The following KCNIP4 variants were observed in gnomAD, a reference collection of about 807,000 sequenced individuals.
KCNIP4 encodes potassium voltage-gated channel interacting protein 4.
Under a neutral mutation model 34.0 loss-of-function variants are expected in KCNIP4, and 12 were observed. The ratio of observed to expected loss-of-function variants is 0.35; its 90% CI spans 0.23 to 0.57. The LOEUF (loss-of-function observed/expected upper bound fraction) is 0.57, where lower values mean the gene tolerates loss of function less well. KCNIP4 is among the 20% of genes least tolerant of loss of function. KCNIP4 has a pLI of 0.83. For synonymous variants in KCNIP4, 124 were observed against 102.2 expected, an observed-to-expected ratio of 1.21 and a Z score of -1.29; for missense variants, 238 against 311.7, an observed-to-expected ratio of 0.76 and a Z score of 1.78.
At chr4:21,681,236 G>C (rs1056618899) in intron 1 of KCNIP4, among the ~76,000 whole-genome samples, 4 of 151,716 alleles carry the variant, frequency 2.6e-5, no homozygotes, top group African/African-American at 7.3e-5. Context: ...GAGTAGCTGG[G>C]ACAACGTGCG....
intron 1 of KCNIP4, among the ~76,000 whole-genome samples, chr4:21,039,750 T>C (rs1741786037): frequency 2.6e-5 from 4 of 152,222 alleles, no homozygotes; most frequent in Admixed American, 2.0e-4. Context: ...TATTCTTCTT[T>C]ATATTTCTAA....
chr4:21,049,151 C>A (rs1211928210), intron 1 of KCNIP4, among the ~76,000 whole-genome samples: 6 of 151,134 alleles, frequency 4.0e-5, no homozygotes, highest in Non-Finnish European at 8.9e-5. Flanking sequence ...GGGGTTTCAC[C>A]GTGTTAGCCA....
At chr4:21,247,764 C>CTATATA (rs1560212682) in intron 1 of KCNIP4, among the ~76,000 whole-genome samples, 1 of 66,374 alleles carries the variant, frequency 1.5e-5, no homozygotes, top group African/African-American at 7.0e-5. Flanking sequence ...ATATATACAC[C>CTATATA]CCACAGGTGT....
chr4:21,621,187 A>T (rs1403406494), intron 1 of KCNIP4, among the ~76,000 whole-genome samples: 1 of 152,192 alleles, frequency 6.6e-6, no homozygotes, highest in Non-Finnish European at 1.5e-5. Context: ...AATTTAATTT[A>T]AAAAGGCAAA....
intron 3 of KCNIP4, among the ~76,000 whole-genome samples, chr4:20,798,530 C>A (rs935589860): frequency 6.6e-6 from 1 of 151,884 alleles, no homozygotes; most frequent in Non-Finnish European, 1.5e-5. Flanking sequence ...CACATACACA[C>A]ACACACACAG....
chr4:21,088,703 C>T (rs996351518), intron 1 of KCNIP4, among the ~76,000 whole-genome samples: 1 of 152,160 alleles, frequency 6.6e-6, no homozygotes, highest in African/African-American at 2.4e-5. Flanking sequence ...AACTCCTCAT[C>T]TTTTGGGTCT....
intron 1 of KCNIP4, among the ~76,000 whole-genome samples, chr4:21,217,592 C>A (rs919141213): frequency 4.6e-5 from 7 of 152,232 alleles, no homozygotes; most frequent in Non-Finnish European, 7.3e-5. Flanking sequence ...AGTGATTGAA[C>A]ATGAGCTGCA....
intron 1 of KCNIP4, among the ~76,000 whole-genome samples, chr4:21,719,839 T>C (rs1714655999): frequency 6.6e-6 from 1 of 151,862 alleles, no homozygotes; most frequent in African/African-American, 2.4e-5. Flanking sequence ...AATGGGCACC[T>C]GTAATCCCAG....
At chr4:21,218,976 T>C (rs1757804647) in intron 1 of KCNIP4, among the ~76,000 whole-genome samples, 1 of 152,160 alleles carries the variant, frequency 6.6e-6, no homozygotes, top group Non-Finnish European at 1.5e-5. Context: ...TTAGGACTTC[T>C]AGAAATATTA....
chr4:21,008,527 T>C (rs1738763081), intron 1 of KCNIP4, among the ~76,000 whole-genome samples: 2 of 96,552 alleles, frequency 2.1e-5, no homozygotes, highest in African/African-American at 5.7e-5. Flanking sequence ...TTTGTTTTTG[T>C]TTTTGTTTTT....
At chr4:21,120,197 AAAC>A (rs200298205) in intron 1 of KCNIP4, among the ~76,000 whole-genome samples, 10,129 of 84,880 alleles carry the variant, frequency 0.12, 414 homozygotes, top group East Asian at 0.22. Context: ...CCTTACGAAG[AAAC>A]AAAAACAAAA....
chr4:21,285,615 G>C (rs1763074893), intron 1 of KCNIP4, among the ~76,000 whole-genome samples: 1 of 151,882 alleles, frequency 6.6e-6, no homozygotes, highest in South Asian at 2.1e-4. Flanking sequence ...GATCATTTGA[G>C]GTCATGAGTT....
At chr4:21,431,454 G>A (rs1726441717) in intron 1 of KCNIP4, among the ~76,000 whole-genome samples, 1 of 152,012 alleles carries the variant, frequency 6.6e-6, no homozygotes, top group South Asian at 2.1e-4. Context: ...CCCTTCCGAG[G>A]CTTGATGTTA....
chr4:21,853,560 C>T (rs1033667997), intron 1 of KCNIP4, among the ~76,000 whole-genome samples: 1 of 152,140 alleles, frequency 6.6e-6, no homozygotes, highest in Non-Finnish European at 1.5e-5. Flanking sequence ...CCTCATGACC[C>T]AATCACTTCC....
Position 21,297,479 on chromosome 4 carries a change from A to G in KCNIP4, c.62-414770T>C, listed in dbSNP as rs116404355. Among the ~76,000 whole-genome samples the G allele has an allele frequency of 2.3e-3, 348 of 152,298 alleles. 3 individuals carry two copies. The highest frequency in any genetic ancestry group is 8.0e-3 in the African/African-American group (331 of 41,584). On this transcript the variant is annotated intron_variant, in intron 1 of 8. Transcript: ENST00000382152. Reference sequence around the variant, plus strand: ...TAAGCAGAATAACAAGAGAGCTACAATTTGAATAAGCATTTTATGAAACAG... The same window carrying G: ...TAAGCAGAATAACAAGAGAGCTACAGTTTGAATAAGCATTTTATGAAACAG...
chr4:21,743,464 T>C (rs946077123), intron 1 of KCNIP4, among the ~76,000 whole-genome samples: 2 of 151,630 alleles, frequency 1.3e-5, no homozygotes, highest in African/African-American at 4.9e-5. Flanking sequence ...ACCCAGGAAG[T>C]ATGGAGAAAT....
chr4:21,811,774 G>A (rs530692599), intron 1 of KCNIP4, among the ~76,000 whole-genome samples: 1 of 152,306 alleles, frequency 6.6e-6, no homozygotes, highest in African/African-American at 2.4e-5. Flanking sequence ...AGGATAGCTA[G>A]CATGATGCTT....
intron 1 of KCNIP4, among the ~76,000 whole-genome samples, chr4:21,554,027 T>C (rs1738790518): frequency 6.6e-6 from 1 of 152,108 alleles, no homozygotes; most frequent in South Asian, 2.1e-4. Context: ...TAAATGGACA[T>C]ACATTATTAT....
chr4:21,000,274 C>T (rs1007957452), intron 1 of KCNIP4, among the ~76,000 whole-genome samples: 3 of 152,132 alleles, frequency 2.0e-5, no homozygotes, highest in African/African-American at 7.2e-5. Context: ...GTCGTCTCAG[C>T]CGCTGCCCTT....
Sources: allele counts gnomAD v4.1 joint callset (sites outside exome capture counted in the v4.1 genomes callset), GRCh38; gene constraint gnomAD v4.1.1; transcripts MANE v1.5; gene names NCBI Gene and HGNC (gene_info 2026-07-23, HGNC 2026-07-21).